IGF1R: variants seen among roughly 807,000 people sequenced by gnomAD.
IGF1R encodes insulin like growth factor 1 receptor.
IGF1R carries 44 observed loss-of-function variants against 144.6 expected under a neutral mutation model. The observed-to-expected ratio is 0.30, with a 90% confidence interval of 0.24 to 0.39. The LOEUF (loss-of-function observed/expected upper bound fraction) is 0.39. Ranked by LOEUF, IGF1R falls within the 10% of genes least tolerant of loss-of-function variation. The pLI is 1.00. For missense variants in IGF1R, 1,355 were observed against 1,833.7 expected (o/e 0.74, Z 4.77); for synonymous variants, 795 against 722.8 (o/e 1.10, Z -1.60).
At chr15:98,852,856 C>T (rs996579074) in intron 2 of IGF1R, among the ~76,000 whole-genome samples, 1 of 152,256 alleles carries the variant, frequency 6.6e-6, no homozygotes, top group Non-Finnish European at 1.5e-5. Flanking sequence ...CCCCGGCATC[C>T]CTGCCCTTAT....
At chr15:98,879,494 C>G (rs1213788396) in intron 2 of IGF1R, among the ~76,000 whole-genome samples, 1 of 152,188 alleles carries the variant, frequency 6.6e-6, no homozygotes, top group Non-Finnish European at 1.5e-5. Context: ...GTCCTGCTGA[C>G]TCGGAGCAGA....
chr15:98,832,923 A>G (rs1348443887), intron 2 of IGF1R, among the ~76,000 whole-genome samples: 19 of 152,202 alleles, frequency 1.2e-4, no homozygotes, highest in Admixed American at 1.0e-3. Context: ...TAGACAGTCT[A>G]TGTCTGTGAT....
intron 2 of IGF1R, among the ~76,000 whole-genome samples, chr15:98,774,299 G>C (rs13379536): frequency 0.018 from 2,805 of 152,192 alleles, 87 homozygotes; most frequent in African/African-American, 0.064. Flanking sequence ...GATTCTTCTG[G>C]TCTGAATTAG....
At chr15:98,774,838 C>T (rs973551894) in intron 2 of IGF1R, among the ~76,000 whole-genome samples, 20 of 152,074 alleles carry the variant, frequency 1.3e-4, no homozygotes, top group Admixed American at 2.6e-4. Context: ...ATGGTTAAAA[C>T]GGTACATTTT....
intron 2 of IGF1R, among the ~76,000 whole-genome samples, chr15:98,810,733 A>G (rs1443716840): frequency 6.6e-6 from 1 of 151,634 alleles, no homozygotes; most frequent in Non-Finnish European, 1.5e-5. Flanking sequence ...TATTTTTAGT[A>G]GAGACGGGGT....
chr15:98,707,422 C>T lies in IGF1R; in HGVS notation c.95-140C>T, dbSNP rs1166554591. The T allele has an allele frequency of 4.5e-6, 4 of 892,486 alleles. No homozygotes were observed. The highest frequency in any genetic ancestry group is 2.9e-5 in the South Asian group (2 of 68,022). 55.3% of individuals were successfully genotyped at this position (892,486 alleles called of 1,614,324 possible). A position where few individuals can be genotyped will look rare whatever the true frequency, so the allele number is the denominator to read the frequency against. The stretch of plus-strand genomic sequence containing the variant: ...ACCTAAACTGTCAGTCTGCAACCCA[C>T]AGCTCTGCAGTGAACAATTGAACCT... On this transcript the variant is annotated intron_variant, in intron 1 of 20. Transcript: ENST00000650285. This position sits in a 1 kb window ranked among gnomAD's most constrained non-coding sequence, Gnocchi z 6.7.
intron 2 of IGF1R, among the ~76,000 whole-genome samples, chr15:98,818,705 T>C (rs1057389886): frequency 2.0e-5 from 3 of 152,040 alleles, no homozygotes; most frequent in Non-Finnish European, 4.4e-5. Context: ...GTTCAGCAGC[T>C]TCACTAGTCT....
At chr15:98,857,807 C>G (rs963434433) in intron 2 of IGF1R, among the ~76,000 whole-genome samples, 1 of 152,194 alleles carries the variant, frequency 6.6e-6, no homozygotes, top group Admixed American at 6.5e-5. Flanking sequence ...TGACAAAATT[C>G]TTTCCTCTTA....
intron 2 of IGF1R, among the ~76,000 whole-genome samples, chr15:98,874,875 C>T (rs1041889606): frequency 2.0e-5 from 3 of 152,222 alleles, no homozygotes; most frequent in Admixed American, 1.3e-4. Context: ...ACTGAGAAGC[C>T]GTTCTCTTCT....
intron 2 of IGF1R, among the ~76,000 whole-genome samples, chr15:98,853,305 G>T (rs2011618296): frequency 6.6e-6 from 1 of 152,150 alleles, no homozygotes; most frequent in South Asian, 2.1e-4. Context: ...GTACAATGTG[G>T]TTGTATTCAG....
Position 98,957,691 on chromosome 15 carries a change from T to TAATGAC in IGF1R, c.*252_*257dup. The TAATGAC allele has an allele frequency of 1.7e-6, 1 of 579,164 alleles. No homozygotes were observed. Among genetic ancestry groups the TAATGAC allele is most frequent in the Non-Finnish European group, 3.1e-6 (1 of 324,250 alleles). 35.9% of individuals were successfully genotyped at this position (579,164 alleles called of 1,614,324 possible). A position where few individuals can be genotyped will look rare whatever the true frequency, so the allele number is the denominator to read the frequency against. On this transcript the variant is annotated 3_prime_UTR_variant, in exon 21 of 21. Coordinates refer to ENST00000650285, the MANE Select transcript of IGF1R (RefSeq NM_000875.5). Reference sequence around the variant, plus strand: ...AACTGACATGGGCCTTTAAGAACCTTAATGACAACACTTAATAGCAACAGA... The same window carrying TAATGAC: ...AACTGACATGGGCCTTTAAGAACCTTAATGACAATGACAACACTTAATAGCAACAGA...
At chr15:98,894,529 C>G (rs1400275342) in intron 3 of IGF1R, among the ~76,000 whole-genome samples, 1 of 152,224 alleles carries the variant, frequency 6.6e-6, no homozygotes, top group Non-Finnish European at 1.5e-5. Context: ...TTGGATGGAT[C>G]TCAAGGACAT....
At chr15:98,781,123 A>G (rs893547119) in intron 2 of IGF1R, among the ~76,000 whole-genome samples, 13 of 152,226 alleles carry the variant, frequency 8.5e-5, no homozygotes, top group African/African-American at 2.9e-4. Context: ...CCCTGTTTCA[A>G]AATAAAGAAA....
intron 2 of IGF1R, among the ~76,000 whole-genome samples, chr15:98,710,855 CG>C (rs2053975673): frequency 6.6e-6 from 1 of 151,642 alleles, no homozygotes; most frequent in Admixed American, 6.6e-5. Context: ...TAACTGGAGA[CG>C]GGGTTTCACC....
chr15:98,852,935 T>C (rs1567162093), intron 2 of IGF1R, among the ~76,000 whole-genome samples: 1 of 152,346 alleles, frequency 6.6e-6, no homozygotes, highest in East Asian at 1.9e-4. Flanking sequence ...TTCCTTTTAT[T>C]GCTCTCCATG....
At chr15:98,885,816 ATTTT>A (rs3073979) in intron 2 of IGF1R, among the ~76,000 whole-genome samples, 1 of 137,706 alleles carries the variant, frequency 7.3e-6, no homozygotes. Context: ...TGAGTCTCCT[ATTTT>A]TTTTTTTTTT....
intron 2 of IGF1R, among the ~76,000 whole-genome samples, chr15:98,868,860 C>T (rs566642509): frequency 6.6e-6 from 1 of 152,176 alleles, no homozygotes; most frequent in Admixed American, 6.5e-5. Context: ...CCCTTCCCTG[C>T]TAGTACCTGC....
chr15:98,909,298 G>A (rs1229826656), intron 6 of IGF1R, among the ~76,000 whole-genome samples: 2 of 102,396 alleles, frequency 2.0e-5, no homozygotes, highest in Admixed American at 3.2e-4. Flanking sequence ...GTCTCACTCT[G>A]TCACCCAGGC....
At chr15:98,772,442 A>C (rs1158844675) in intron 2 of IGF1R, among the ~76,000 whole-genome samples, 1 of 150,192 alleles carries the variant, frequency 6.7e-6, no homozygotes, top group Non-Finnish European at 1.5e-5. Flanking sequence ...AAAAATAAAC[A>C]TGAAGGAAGA....
Sources: gnomAD v4.1 joint callset for allele counts (sites outside exome capture counted in the v4.1 genomes callset) on GRCh38, gnomAD v4.1.1 for gene constraint, Gnocchi (gnomAD v3.1) non-coding constraint, MANE v1.5 for transcripts, NCBI Gene and HGNC (gene_info 2026-07-23, HGNC 2026-07-21) for gene names.